The following TFEC variants were observed in gnomAD, a reference collection of about 807,000 sequenced individuals.
The protein encoded by TFEC is transcription factor EC.
Under a neutral mutation model 41.6 loss-of-function variants are expected in TFEC, and 31 were observed. That is an observed-to-expected ratio of 0.74 (90% confidence interval 0.56 to 1.01). TFEC has a LOEUF of 1.01. Among genes scored for constraint, TFEC ranks in the 50% least tolerant of loss-of-function variants. TFEC has a pLI of 0.00. For missense variants in TFEC, 402 were observed against 404.1 expected, an observed-to-expected ratio of 0.99 and a Z score of 0.04; for synonymous variants, 143 against 140.6, an observed-to-expected ratio of 1.02 and a Z score of -0.12.
At position 115,940,469 on chromosome 7, in the gene TFEC, G is replaced by A; in HGVS notation, c.*82C>T. The A allele has an allele frequency of 7.0e-7, 1 of 1,426,204 alleles. No homozygotes were observed. The highest frequency in any genetic ancestry group is 9.3e-7 in the Non-Finnish European group (1 of 1,070,836). 88.3% of individuals were successfully genotyped at this position (1,426,204 alleles called of 1,614,324 possible). A position where few individuals can be genotyped will look rare whatever the true frequency, so the allele number is the denominator to read the frequency against. Reference sequence around the variant, plus strand: ...CCTTTAAGAAAAAAAATAAGCCAAAGCAACATATGAAACACAGAGCATAAT... The same window carrying A: ...CCTTTAAGAAAAAAAATAAGCCAAAACAACATATGAAACACAGAGCATAAT... On this transcript the variant is annotated 3_prime_UTR_variant, in exon 8 of 8. Transcript: ENST00000265440.
At chr7:116,132,190 G>A (rs969168759) in intron 1 of TFEC, among the ~76,000 whole-genome samples, 2 of 152,116 alleles carry the variant, frequency 1.3e-5, no homozygotes, top group African/African-American at 2.4e-5. Flanking sequence ...CATAAAGTTG[G>A]CCTATAAGTC....
chr7:116,097,952 G>A lies in TFEC; in HGVS notation c.198+12756C>T, dbSNP rs548736619. 5.8e-4 allele frequency among the ~76,000 whole-genome samples: 88 copies of A among 152,206 alleles called. 1 individual carries two copies. Among genetic ancestry groups the A allele is most frequent in the African/African-American group, 2.0e-3 (85 of 41,532 alleles). On this transcript the variant is annotated intron_variant, in intron 3 of 8. Coordinates refer to the TFEC transcript ENST00000484212. The stretch of plus-strand genomic sequence containing the variant: ...TCAAAGAATGAGAAACAGAGTGAGT[G>A]AACAAACAATAAATACATAAACTGA...
chr7:116,083,738 C>G (rs2131065163), intron 3 of TFEC, among the ~76,000 whole-genome samples: 1 of 152,020 alleles, frequency 6.6e-6, no homozygotes, highest in South Asian at 2.1e-4. Flanking sequence ...AAGGCTTTTT[C>G]AAGATTCTAA....
chr7:116,116,265 T>C (rs1797985545), intron 1 of TFEC, among the ~76,000 whole-genome samples: 1 of 151,852 alleles, frequency 6.6e-6, no homozygotes, highest in Non-Finnish European at 1.5e-5. Context: ...AAATGGTAGT[T>C]TAGCTTGGAG....
At chr7:116,063,354 C>T (rs1057058412) in intron 3 of TFEC, among the ~76,000 whole-genome samples, 9 of 151,984 alleles carry the variant, frequency 5.9e-5, no homozygotes, top group African/African-American at 1.5e-4. Context: ...CGGTGGCTCA[C>T]GCCTGTAATC....
chr7:116,048,224 A>C (rs145424129), intron 3 of TFEC, among the ~76,000 whole-genome samples: 4,051 of 152,328 alleles, frequency 0.027, 72 homozygotes, highest in Non-Finnish European at 0.038. Flanking sequence ...AAGAAGCTAA[A>C]AACCTTGAAA....
chr7:116,141,658 G>A (rs1433676507), intron 1 of TFEC, among the ~76,000 whole-genome samples: 1 of 152,180 alleles, frequency 6.6e-6, no homozygotes, highest in Non-Finnish European at 1.5e-5. Context: ...ATTATTTGCT[G>A]AAGCAGGGGC....
chr7:116,157,409 A>G (rs1798892201), intron 1 of TFEC: 1 of 152,176 alleles, frequency 6.6e-6, no homozygotes, highest in Non-Finnish European at 1.5e-5. Context: ...AACATTACAA[A>G]TTGAATTTTA....
At position 116,089,805 on chromosome 7, in the gene TFEC, G is replaced by A. The variant is rs1180089151; in HGVS notation, c.198+20903C>T. ...TGTTAATTAACCACTAGCTATGGGG[G>A]AAGGATGCACATGAATAAAAACGTA... On this transcript the variant is annotated intron_variant, in intron 3 of 8. Coordinates refer to the TFEC transcript ENST00000484212. Among the ~76,000 whole-genome samples the A allele has an allele frequency of 2.6e-5, 4 of 152,222 alleles. No individual in the cohort carries two copies. The East Asian group carries it at 7.7e-4, about 29-fold the overall frequency.
intron 1 of TFEC, among the ~76,000 whole-genome samples, chr7:116,022,570 G>A (rs1305595364): frequency 1.3e-5 from 2 of 152,106 alleles, no homozygotes; most frequent in African/African-American, 2.4e-5. Context: ...ATTACTAAGT[G>A]ATTAAATGTT....
intron 1 of TFEC, among the ~76,000 whole-genome samples, chr7:116,136,247 G>T (rs1279565784): frequency 6.6e-6 from 1 of 151,966 alleles, no homozygotes; most frequent in African/African-American, 2.4e-5. Context: ...GTAATATTAT[G>T]AACTCTATTA....
At chr7:116,101,585 T>C (rs2115968334) in intron 3 of TFEC, among the ~76,000 whole-genome samples, 1 of 152,258 alleles carries the variant, frequency 6.6e-6, no homozygotes, top group South Asian at 2.1e-4. Flanking sequence ...TGACTGGCTC[T>C]TTAAATAATT....
intron 1 of TFEC, among the ~76,000 whole-genome samples, chr7:116,114,908 C>T (rs545498917): frequency 1.5e-4 from 23 of 151,988 alleles, no homozygotes; most frequent in African/African-American, 2.2e-4. Context: ...CGCCACCCCC[C>T]AGTAATGGGG....
At chr7:116,115,311 A>AT (rs1053428714) in intron 1 of TFEC, among the ~76,000 whole-genome samples, 1 of 151,908 alleles carries the variant, frequency 6.6e-6, no homozygotes, top group Non-Finnish European at 1.5e-5. Flanking sequence ...AACAACATAC[A>AT]TTTTTTGCTC....
At chr7:116,097,762 CTG>C (rs915611226) in intron 3 of TFEC, among the ~76,000 whole-genome samples, 1 of 152,120 alleles carries the variant, frequency 6.6e-6, no homozygotes, top group African/African-American at 2.4e-5. Flanking sequence ...ACAAACAAAA[CTG>C]TGAATAAAGG....
At chr7:116,127,622 A>G (rs536120294) in intron 1 of TFEC, among the ~76,000 whole-genome samples, 2 of 151,344 alleles carry the variant, frequency 1.3e-5, no homozygotes, top group African/African-American at 2.4e-5. Context: ...TTACTCATTG[A>G]ATCCATCCTC....
At chr7:115,977,936 G>A (rs949086591) in intron 2 of TFEC, among the ~76,000 whole-genome samples, 2 of 151,584 alleles carry the variant, frequency 1.3e-5, no homozygotes, top group African/African-American at 2.4e-5. Context: ...TAAAATATTA[G>A]AAGTAACAAA....
chr7:116,032,808 C>A (rs965159290), upstream of TFEC, among the ~76,000 whole-genome samples: 3 of 152,044 alleles, frequency 2.0e-5, no homozygotes, highest in African/African-American at 7.2e-5. Context: ...TGTAACAAAC[C>A]TGCACATGTA....
intron 1 of TFEC, among the ~76,000 whole-genome samples, chr7:116,144,330 A>C (rs1466501366): frequency 1.3e-5 from 2 of 152,216 alleles, no homozygotes; most frequent in Admixed American, 1.3e-4. Flanking sequence ...CATAACCCAA[A>C]GGTTACAGGT....
Sources: allele counts gnomAD v4.1 joint callset (sites outside exome capture counted in the v4.1 genomes callset), GRCh38; gene constraint gnomAD v4.1.1; transcripts MANE v1.5; gene names NCBI Gene and HGNC (gene_info 2026-07-23, HGNC 2026-07-21).